The following KCNQ1 variants were observed in gnomAD, a reference collection of about 807,000 sequenced individuals.
The protein encoded by KCNQ1 is potassium voltage-gated channel subfamily KQT member 1.
In KCNQ1, 49 loss-of-function variants were observed where a neutral mutation model predicts 72.4. That is an observed-to-expected ratio of 0.68 (90% confidence interval 0.54 to 0.86). The LOEUF is 0.86. KCNQ1 is among the 40% of genes least tolerant of loss of function. The pLI is 0.00. For synonymous variants in KCNQ1, 450 were observed against 412.6 expected (o/e 1.09, Z -1.10); for missense variants, 790 against 945.1 (o/e 0.84, Z 2.15).
chr11:2,689,071 G>A, intron 11 of KCNQ1: 1 of 398,840 alleles, frequency 2.5e-6, no homozygotes, highest in Non-Finnish European at 4.4e-6. Flanking sequence ...CCTCCCCGGT[G>A]GCACATCCGG....
At chr11:2,523,203 T>G (rs963646812) in intron 1 of KCNQ1, among the ~76,000 whole-genome samples, 1 of 151,928 alleles carries the variant, frequency 6.6e-6, no homozygotes, top group Non-Finnish European at 1.5e-5. Flanking sequence ...ATTTAATTTT[T>G]TTTTTTTTGT....
chr11:2,459,760 C>T (rs1846247505), intron 1 of KCNQ1, among the ~76,000 whole-genome samples: 1 of 152,072 alleles, frequency 6.6e-6, no homozygotes, highest in South Asian at 2.1e-4. Flanking sequence ...GCCTGGGTCT[C>T]AGAGGTAGAT....
At chr11:2,584,236 A>G (rs1848550326) in intron 7 of KCNQ1, among the ~76,000 whole-genome samples, 1 of 149,274 alleles carries the variant, frequency 6.7e-6, no homozygotes, top group Non-Finnish European at 1.5e-5. Flanking sequence ...GTATTTATGT[A>G]TCTGTGTCAC....
intron 1 of KCNQ1, among the ~76,000 whole-genome samples, chr11:2,459,151 T>C (rs1846238415): frequency 6.6e-6 from 1 of 152,144 alleles, no homozygotes; most frequent in Admixed American, 6.5e-5. Flanking sequence ...CAGCTGGCCA[T>C]GTTACCTCAA....
At chr11:2,692,075 C>T in intron 11 of KCNQ1, 2 of 398,748 alleles carry the variant, frequency 5.0e-6, no homozygotes, top group South Asian at 2.5e-4. Context: ...ACCCACATTC[C>T]AGTCACCTGC....
intron 15 of KCNQ1, among the ~76,000 whole-genome samples, chr11:2,839,450 C>CCAGATG (rs1373263109): frequency 6.6e-6 from 1 of 152,226 alleles, no homozygotes; most frequent in Non-Finnish European, 1.5e-5. Context: ...CAGCCCCAAC[C>CCAGATG]CAGATGCAGG....
intron 11 of KCNQ1, among the ~76,000 whole-genome samples, chr11:2,736,844 A>G (rs1477487420): frequency 6.6e-6 from 1 of 152,154 alleles, no homozygotes; most frequent in East Asian, 1.9e-4. Context: ...CTCGGTCAAG[A>G]TAAGATGCCC....
intron 1 of KCNQ1, among the ~76,000 whole-genome samples, chr11:2,527,524 C>T (rs868313143): frequency 2.0e-5 from 3 of 152,238 alleles, no homozygotes; most frequent in South Asian, 2.1e-4. Flanking sequence ...ACATCCAGAA[C>T]GTTTAATTAC....
At chr11:2,700,758 G>A (rs556830280) in intron 11 of KCNQ1, among the ~76,000 whole-genome samples, 1 of 152,182 alleles carries the variant, frequency 6.6e-6, no homozygotes, top group Non-Finnish European at 1.5e-5. Flanking sequence ...CGCCCGGCCG[G>A]GCCCGCCCTG....
At chr11:2,525,081 C>T (rs575840902) in intron 1 of KCNQ1, among the ~76,000 whole-genome samples, 1 of 152,302 alleles carries the variant, frequency 6.6e-6, no homozygotes, top group South Asian at 2.1e-4. Context: ...AACAGTTGCA[C>T]CAGCAAGGGG....
chr11:2,535,733 G>A (rs1350991893), intron 2 of KCNQ1, among the ~76,000 whole-genome samples: 1 of 152,200 alleles, frequency 6.6e-6, no homozygotes, highest in Non-Finnish European at 1.5e-5. Flanking sequence ...GGTACCCCCT[G>A]AAGACCTGGG....
intron 11 of KCNQ1, chr11:2,686,483 C>T (rs919561408): frequency 7.5e-6 from 3 of 398,572 alleles, no homozygotes; most frequent in East Asian, 7.1e-5. Flanking sequence ...CAACAGATAC[C>T]CCCACCCTCA....
chr11:2,810,852 G>A (rs1847470620), intron 15 of KCNQ1, among the ~76,000 whole-genome samples: 1 of 152,196 alleles, frequency 6.6e-6, no homozygotes, highest in Admixed American at 6.5e-5. Context: ...TGAGAGCTTG[G>A]GCTCGAGGTA....
chr11:2,623,695 C>T lies in KCNQ1; in HGVS notation c.1393+34841C>T, dbSNP rs1462399166. 1 of 398,374 alleles carries T rather than the reference C, an allele frequency of 2.5e-6. No homozygotes were observed. Among genetic ancestry groups the T allele is most frequent in the Non-Finnish European group, 4.4e-6 (1 of 226,044 alleles). The allele number at this position is 398,374 out of a possible 1,614,324, so 24.7% of individuals were successfully genotyped here. On this transcript the variant is annotated intron_variant, in intron 10 of 15. Coordinates refer to ENST00000155840, the MANE Select transcript of KCNQ1 (RefSeq NM_000218.3). This position sits in a 1 kb window ranked among gnomAD's most constrained non-coding sequence, Gnocchi z 5.2. ...TATGGAAGGACATCTCGGTTGCTTC[C>T]AATTTCAACAATCACAAATAAAGCT...
chr11:2,733,947 G>A (rs1845909776), intron 11 of KCNQ1, among the ~76,000 whole-genome samples: 2 of 149,622 alleles, frequency 1.3e-5, no homozygotes, highest in Admixed American at 6.8e-5. Flanking sequence ...CCTCTTCCCT[G>A]CTTAATCCTC....
rs1057519584 is a variant in KCNQ1 at position 2,572,900 on chromosome 11, T to A, written c.835T>A (p.Phe279Ile). ...CCTGGGCCTCATCTTCTCCTCGTAC[T>A]TTGTGTACCTGGCTGAGAAGGACGC... ...GFLGLIFSSYFVYLAEKDAVN... is the reference protein window; with the variant it reads ...GFLGLIFSSYIVYLAEKDAVN... Residue 279 changes from phenylalanine to isoleucine, a missense_variant, in exon 6 of 16, where the codon TTT (phenylalanine) becomes ATT (isoleucine). Transcript: ENST00000155840. 1.2e-6 allele frequency: 2 copies of A among 1,613,828 alleles called. No homozygotes were observed. The highest frequency in any genetic ancestry group is 2.2e-5 in the South Asian group (2 of 91,078).
chr11:2,520,209 A>G (rs1044606226), intron 1 of KCNQ1, among the ~76,000 whole-genome samples: 25 of 152,118 alleles, frequency 1.6e-4, no homozygotes, highest in Non-Finnish European at 3.7e-4. Context: ...CTGAACCCCA[A>G]TCCAGGGGGC....
Position 2,559,251 on chromosome 11 carries a change from A to G in KCNQ1, c.478-11377A>G, listed in dbSNP as rs1043874576. On this transcript the variant is annotated intron_variant, in intron 2 of 15. Coordinates refer to ENST00000155840, the MANE Select transcript of KCNQ1 (RefSeq NM_000218.3). The surrounding 1 kb of genome is among the most constrained non-coding windows in gnomAD (Gnocchi z 4.9). ...GTGGAGAGGATGCATTCGACACCCA[A>G]GGCCTTATGGAATCAGTCCTGGGGC... is the stretch of plus-strand genomic sequence containing the variant. Among the ~76,000 whole-genome samples, 1 of 152,096 alleles carries G rather than the reference A, an allele frequency of 6.6e-6. No homozygotes were observed. Among genetic ancestry groups the G allele is most frequent in the Non-Finnish European group, 1.5e-5 (1 of 68,010 alleles).
At position 2,835,731 on chromosome 11, in the gene KCNQ1, G is replaced by C. The variant is rs1848050248; in HGVS notation, c.1795-12036G>C. 3.3e-5 allele frequency among the ~76,000 whole-genome samples: 5 copies of C among 152,306 alleles called. No individual in the cohort carries two copies. In the South Asian group the frequency reaches 1.0e-3, roughly 32 times the overall value. ...TTAGAAAGGGTACTGGGAGGGCCCT[G>C]GCAAGGGACTTAAGTAATTACTTAA... is the stretch of plus-strand genomic sequence containing the variant. On this transcript the variant is annotated intron_variant, in intron 15 of 15. Transcript: ENST00000155840.
Sources: gnomAD v4.1 joint callset for allele counts (sites outside exome capture counted in the v4.1 genomes callset) on GRCh38, gnomAD v4.1.1 for gene constraint, Gnocchi (gnomAD v3.1) non-coding constraint, MANE v1.5 for transcripts, NCBI Gene and HGNC (gene_info 2026-07-23, HGNC 2026-07-21) for gene names.